AGPAT4: variants seen among roughly 807,000 people sequenced by gnomAD.
AGPAT4 encodes 1-acyl-sn-glycerol-3-phosphate acyltransferase delta.
Under a neutral mutation model 48.0 loss-of-function variants are expected in AGPAT4, and 15 were observed. The observed-to-expected ratio is 0.31, with a 90% CI of 0.21 to 0.48. The LOEUF (loss-of-function observed/expected upper bound fraction) is 0.48, where lower values mean the gene tolerates loss of function less well. Ranked by LOEUF, AGPAT4 falls within the 20% of genes least tolerant of loss-of-function variation. The pLI, the probability that AGPAT4 is intolerant of heterozygous loss-of-function variation, is 0.99. For synonymous variants in AGPAT4, 178 were observed against 198.7 expected, an observed-to-expected ratio of 0.90 and a Z score of 0.88; for missense variants, 314 against 482.5, an observed-to-expected ratio of 0.65 and a Z score of 3.27.
intron 2 of AGPAT4, among the ~76,000 whole-genome samples, chr6:161,193,726 G>A (rs1370416055): frequency 6.6e-6 from 1 of 152,208 alleles, no homozygotes; most frequent in Non-Finnish European, 1.5e-5. Flanking sequence ...CTGGAATGCT[G>A]ACAATCAGAT....
Position 161,131,487 on chromosome 6 carries a change from G to A in AGPAT4, c.*5053C>T, listed in dbSNP as rs1339204525. On this transcript the variant is annotated 3_prime_UTR_variant, in exon 9 of 9. Coordinates refer to ENST00000320285, the MANE Select transcript of AGPAT4 (RefSeq NM_020133.3). ...AAAGGTGGTTCTTTTTTAGAAAAGG[G>A]AAGCAGAAGCTAATTGAAATTCCAT... 1 of 152,776 alleles carries A rather than the reference G, an allele frequency of 6.5e-6. No individual in the cohort carries two copies. The highest frequency in any genetic ancestry group is 1.5e-5 in the Non-Finnish European group (1 of 68,472). The allele number at this position is 152,776 out of a possible 1,614,324, so 9.5% of individuals were successfully genotyped here.
At chr6:161,252,180 G>C (rs1289381216) in intron 1 of AGPAT4, among the ~76,000 whole-genome samples, 1 of 152,142 alleles carries the variant, frequency 6.6e-6, no homozygotes, top group Non-Finnish European at 1.5e-5. Context: ...ACAAAACTAC[G>C]GCCTCTGACA....
chr6:161,273,295 T>A (rs1181052037), intron 1 of AGPAT4, among the ~76,000 whole-genome samples: 1 of 152,170 alleles, frequency 6.6e-6, no homozygotes, highest in Non-Finnish European at 1.5e-5. Flanking sequence ...CCAATGCCTG[T>A]TTCCTTGACA....
At chr6:161,237,809 T>C (rs552690066) in intron 1 of AGPAT4, among the ~76,000 whole-genome samples, 3 of 151,950 alleles carry the variant, frequency 2.0e-5, no homozygotes, top group Non-Finnish European at 4.4e-5. Context: ...CTGGACAGAC[T>C]CCATTTCCCA....
In AGPAT4 at chr6:161,136,346, A is replaced by T. The variant is rs79454981; in HGVS notation, c.*194T>A. 19 of 591,552 alleles carry T rather than the reference A, an allele frequency of 3.2e-5. No homozygotes were observed. Among genetic ancestry groups the T allele is most frequent in the Non-Finnish European group, 5.1e-5 (17 of 332,062 alleles). 36.6% of individuals were successfully genotyped at this position (591,552 alleles called of 1,614,324 possible). A position where few individuals can be genotyped will look rare whatever the true frequency, so the allele number is the denominator to read the frequency against. On this transcript the variant is annotated 3_prime_UTR_variant, in exon 9 of 9. Transcript: ENST00000320285. ...AGAAAACCAAAGCCCACTAAAGCAC[A>T]TGGGGAAAAAAAGATTACAAAACAT... is the stretch of plus-strand genomic sequence containing the variant.
chr6:161,152,630 C>T (rs12660145), intron 5 of AGPAT4, among the ~76,000 whole-genome samples: 122 of 152,228 alleles, frequency 8.0e-4, no homozygotes, highest in African/African-American at 2.7e-3. Flanking sequence ...AGGATAAGGC[C>T]GAGGAAGGCG....
rs1778935129 is a variant in AGPAT4 at position 161,132,553 on chromosome 6, A to C, written c.*3987T>G. 1 of 152,336 alleles carries C rather than the reference A, an allele frequency of 6.6e-6. No homozygotes were observed. The highest frequency in any genetic ancestry group is 1.5e-5 in the Non-Finnish European group (1 of 68,098). The allele number at this position is 152,336 out of a possible 1,614,324, so 9.4% of individuals were successfully genotyped here. ...GGCTGAATGGCTGTTGGCTCTCAGC[A>C]GCACCTGTCAGCATAGCTCGGCCGC... On this transcript the variant is annotated 3_prime_UTR_variant, in exon 9 of 9. Coordinates refer to ENST00000320285, the MANE Select transcript of AGPAT4 (RefSeq NM_020133.3).
chr6:161,205,849 T>C (rs1252243355), intron 2 of AGPAT4, among the ~76,000 whole-genome samples: 1 of 152,162 alleles, frequency 6.6e-6, no homozygotes, highest in Admixed American at 6.5e-5. Context: ...ATTAAAATAG[T>C]TCTTCTAGAT....
Position 161,131,035 on chromosome 6 carries a change from C to A in AGPAT4, c.*5505G>T. 1 of 391,566 alleles carries A rather than the reference C, an allele frequency of 2.6e-6. No individual in the cohort carries two copies. Among genetic ancestry groups the A allele is most frequent in the Admixed American group, 2.6e-5 (1 of 38,996 alleles). 24.3% of individuals were successfully genotyped at this position (391,566 alleles called of 1,614,324 possible). On this transcript the variant is annotated 3_prime_UTR_variant, in exon 9 of 9. Coordinates refer to ENST00000320285, the MANE Select transcript of AGPAT4 (RefSeq NM_020133.3). ...GAAATGCAAAGGAATTATTATGCAG[C>A]AATCTTAACTTTGTGTACATACCAC... is the stretch of plus-strand genomic sequence containing the variant.
intron 5 of AGPAT4, among the ~76,000 whole-genome samples, chr6:161,152,017 T>C (rs1232323089): frequency 6.6e-6 from 1 of 152,214 alleles, no homozygotes; most frequent in Non-Finnish European, 1.5e-5. Context: ...GGGAAGGACC[T>C]CGGAGGTGGC....
In AGPAT4 at chr6:161,165,565, C is replaced by G; in HGVS notation, c.348+683G>C. The G allele has an allele frequency of 7.8e-7, 1 of 1,287,928 alleles. No individual in the cohort carries two copies. Among genetic ancestry groups the G allele is most frequent in the South Asian group, 1.3e-5 (1 of 79,762 alleles). 79.8% of individuals were successfully genotyped at this position (1,287,928 alleles called of 1,614,324 possible). Reference sequence around the variant, plus strand: ...AATGTACACTGTGTACACTGTGATTCCTACGGAATACCTGAGTACCGCAGA... The same window carrying G: ...AATGTACACTGTGTACACTGTGATTGCTACGGAATACCTGAGTACCGCAGA... On this transcript the variant is annotated intron_variant, in intron 3 of 8. Coordinates refer to ENST00000320285, the MANE Select transcript of AGPAT4 (RefSeq NM_020133.3). The surrounding 1 kb of genome is among the most constrained non-coding windows in gnomAD (Gnocchi z 5.5).
chr6:161,175,704 C>T (rs1780409610), intron 2 of AGPAT4, among the ~76,000 whole-genome samples: 1 of 151,972 alleles, frequency 6.6e-6, no homozygotes, highest in African/African-American at 2.4e-5. Flanking sequence ...GCTCTTGCTT[C>T]TCTAGTTCTT....
In AGPAT4 at chr6:161,217,181, C is replaced by T. The variant is rs941424234; in HGVS notation, c.178+14855G>A. On this transcript the variant is annotated intron_variant, in intron 2 of 8. Coordinates refer to ENST00000320285, the MANE Select transcript of AGPAT4 (RefSeq NM_020133.3). The surrounding 1 kb of genome is among the most constrained non-coding windows in gnomAD (Gnocchi z 4.9). ...CGGAGTGAGCACAGGCGTGGGGACG[C>T]GAAAGGACAGGGGAACACCGGAGAA... Among the ~76,000 whole-genome samples, 1 of 152,124 alleles carries T rather than the reference C, an allele frequency of 6.6e-6. No homozygotes were observed. Among genetic ancestry groups the T allele is most frequent in the African/African-American group, 2.4e-5 (1 of 41,434 alleles).
At position 161,165,520 on chromosome 6, in the gene AGPAT4, AC is replaced by A. The variant is rs1259513662; in HGVS notation, c.348+727del. On this transcript the variant is annotated intron_variant, in intron 3 of 8. Coordinates refer to ENST00000320285, the MANE Select transcript of AGPAT4 (RefSeq NM_020133.3). This position sits in a 1 kb window ranked among gnomAD's most constrained non-coding sequence, Gnocchi z 5.5. ...CTAAGTTCTGGTGCAAACTCTTAGG[AC>A]CTTTCCTAGCCCCAGACCAATGTAC... 3 of 1,135,376 alleles carry A rather than the reference AC, an allele frequency of 2.6e-6. No homozygotes were observed. The African/African-American group carries it at 4.9e-5, about 19-fold the overall frequency. The allele number at this position is 1,135,376 out of a possible 1,614,324, so 70.3% of individuals were successfully genotyped here. A position where few individuals can be genotyped will look rare whatever the true frequency, so the allele number is the denominator to read the frequency against.
At position 161,180,122 on chromosome 6, in the gene AGPAT4, TC is replaced by T. The variant is rs761085014; in HGVS notation, c.179-13706del. Among the ~76,000 whole-genome samples the T allele has an allele frequency of 6.6e-6, 1 of 152,142 alleles. No homozygotes were observed. The highest frequency in any genetic ancestry group is 1.5e-5 in the Non-Finnish European group (1 of 68,032). On this transcript the variant is annotated intron_variant, in intron 2 of 8. Transcript: ENST00000320285. The surrounding 1 kb of genome is among the most constrained non-coding windows in gnomAD (Gnocchi z 6.4). ...AGACCTGGCTGCATTCTGGTCAGGATCCCAGGGATGCCTATCCTCCCTGGAG... is the reference window on the plus strand; with the variant it reads ...AGACCTGGCTGCATTCTGGTCAGGATCCAGGGATGCCTATCCTCCCTGGAG...
At chr6:161,191,842 T>C (rs1014711824) in intron 2 of AGPAT4, among the ~76,000 whole-genome samples, 1 of 152,214 alleles carries the variant, frequency 6.6e-6, no homozygotes, top group Non-Finnish European at 1.5e-5. Flanking sequence ...GAGGCCATTG[T>C]TGCCTCAACA....
Position 161,154,484 on chromosome 6 carries a change from A to AGCT in AGPAT4, c.349-177_349-175dup, listed in dbSNP as rs1779707561. On this transcript the variant is annotated intron_variant, in intron 3 of 8. Coordinates refer to ENST00000320285, the MANE Select transcript of AGPAT4 (RefSeq NM_020133.3). The surrounding 1 kb of genome is among the most constrained non-coding windows in gnomAD (Gnocchi z 7.8). ...GACCCTGGTGCCCTCCCCACCTTTC[A>AGCT]GCTAGAGGTCCAGGTTGTGCTTGCC... is the stretch of plus-strand genomic sequence containing the variant. Among the ~76,000 whole-genome samples the AGCT allele has an allele frequency of 6.6e-6, 1 of 152,126 alleles. No homozygotes were observed. The highest frequency in any genetic ancestry group is 1.5e-5 in the Non-Finnish European group (1 of 68,000).
In AGPAT4 at chr6:161,138,114, C is replaced by T. The variant is rs140868603; in HGVS notation, c.1042+1308G>A. ...CCAGGGGCCCTGGCACCTGCAGCTG[C>T]CCCGGACCCTTGGCCAGCCTCAGCA... is the stretch of plus-strand genomic sequence containing the variant. On this transcript the variant is annotated intron_variant, in intron 8 of 8. Transcript: ENST00000320285. This position sits in a 1 kb window ranked among gnomAD's most constrained non-coding sequence, Gnocchi z 4.8. 1.1e-4 allele frequency among the ~76,000 whole-genome samples: 16 copies of T among 152,336 alleles called. No homozygotes were observed. The South Asian group carries it at 2.3e-3, about 22-fold the overall frequency.
In AGPAT4 at chr6:161,206,470, T is replaced by A. The variant is rs936801379; in HGVS notation, c.178+25566A>T. Reference sequence around the variant, plus strand: ...CACCCTTCTCCCATCCAGGTGTCACTGGGGGCAGAGTGGGGAACCTGGACT... The same window carrying A: ...CACCCTTCTCCCATCCAGGTGTCACAGGGGGCAGAGTGGGGAACCTGGACT... On this transcript the variant is annotated intron_variant, in intron 2 of 8. Transcript: ENST00000320285. This position sits in a 1 kb window ranked among gnomAD's most constrained non-coding sequence, Gnocchi z 4.8. 6.6e-6 allele frequency among the ~76,000 whole-genome samples: 1 copy of A among 152,166 alleles called. No individual in the cohort carries two copies. Among genetic ancestry groups the A allele is most frequent in the African/African-American group, 2.4e-5 (1 of 41,436 alleles).
Sources: gnomAD v4.1 joint callset for allele counts (sites outside exome capture counted in the v4.1 genomes callset) on GRCh38, gnomAD v4.1.1 for gene constraint, Gnocchi (gnomAD v3.1) non-coding constraint, MANE v1.5 for transcripts, NCBI Gene and HGNC (gene_info 2026-07-23, HGNC 2026-07-21) for gene names.